The following SAAL1 variants were observed in gnomAD, a reference collection of about 807,000 sequenced individuals.
SAAL1 encodes the protein serum amyloid A like 1.
In SAAL1, 42 loss-of-function variants were observed where a neutral mutation model predicts 59.8. The observed-to-expected ratio is 0.70, with a 90% CI of 0.55 to 0.91. The LOEUF (loss-of-function observed/expected upper bound fraction) is 0.91. Among genes scored for constraint, SAAL1 ranks in the 40% least tolerant of loss-of-function variants. The probability of loss-of-function intolerance (pLI) is 0.00; values close to 1 mark genes in which losing one functional copy is unlikely to be tolerated. For synonymous variants in SAAL1, 191 were observed against 194.3 expected, an observed-to-expected ratio of 0.98 and a Z score of 0.14; for missense variants, 542 against 561.1, an observed-to-expected ratio of 0.97 and a Z score of 0.34.
At chr11:18,104,870 A>G (rs1848671336) in intron 1 of SAAL1, among the ~76,000 whole-genome samples, 1 of 152,194 alleles carries the variant, frequency 6.6e-6, no homozygotes, top group South Asian at 2.1e-4. Context: ...GAGCAGTATC[A>G]TGAATAGCCC....
chr11:18,095,785 T>C (rs1267117395), intron 3 of SAAL1, among the ~76,000 whole-genome samples: 2 of 152,228 alleles, frequency 1.3e-5, no homozygotes, highest in Non-Finnish European at 2.9e-5. Flanking sequence ...TTAGTCTTTA[T>C]CTATTGTTCT....
rs1193776874 is a variant in SAAL1 at position 18,085,873 on chromosome 11, T to C, written c.1042+993A>G. ...AAAACTGATACCACTAGAACCAAAG[T>C]TATCAAAGGGGGAAAAAAAATTAAA... On this transcript the variant is annotated intron_variant, in intron 9 of 11. Transcript: ENST00000524803. Among the ~76,000 whole-genome samples the C allele has an allele frequency of 6.6e-5, 10 of 152,134 alleles. No homozygotes were observed. The South Asian group carries it at 1.7e-3, about 25-fold the overall frequency.
chr11:18,094,804 G>A (rs937995334), intron 3 of SAAL1, among the ~76,000 whole-genome samples: 1 of 152,144 alleles, frequency 6.6e-6, no homozygotes, highest in Non-Finnish European at 1.5e-5. Context: ...GATTAAGAGT[G>A]AGTAGGGGCA....
chr11:18,103,733 T>C (rs1015782229), intron 1 of SAAL1, among the ~76,000 whole-genome samples: 1 of 152,114 alleles, frequency 6.6e-6, no homozygotes, highest in African/African-American at 2.4e-5. Context: ...AGCAAGTGGG[T>C]TGGGAAATGG....
intron 1 of SAAL1, among the ~76,000 whole-genome samples, chr11:18,104,883 T>G (rs1201721757): frequency 6.6e-6 from 1 of 152,096 alleles, no homozygotes; most frequent in East Asian, 1.9e-4. Flanking sequence ...AATAGCCCTG[T>G]CTTTAAAGAA....
intron 4 of SAAL1, among the ~76,000 whole-genome samples, chr11:18,091,490 TTC>T (rs1848523249): frequency 6.6e-6 from 1 of 152,050 alleles, no homozygotes; most frequent in Non-Finnish European, 1.5e-5. Context: ...CAACTAGGAG[TTC>T]TCTCTTTCTG....
Position 18,087,192 on chromosome 11 carries a change from C to G in SAAL1, c.804G>C (p.Met268Ile). Residue 268 changes from methionine (M) to isoleucine (I), a missense_variant, in exon 8 of 12, where the codon ATG becomes ATC. By Grantham distance (10) the Met-to-Ile change is conservative. Transcript: ENST00000524803. The part of the protein sequence containing the change: ...SENPEWLDVY[M>I]HILQLLTTVD... ...CTGTAGTAAGCAGTTGTAAAATGTG[C>G]ATGTAAACATCAAGCCATTCTGGAT... 1 of 1,613,256 alleles carries G rather than the reference C, an allele frequency of 6.2e-7. No homozygotes were observed. The highest frequency in any genetic ancestry group is 8.5e-7 in the Non-Finnish European group (1 of 1,179,260).
chr11:18,080,377 A>C lies in SAAL1; in HGVS notation c.*22T>G, dbSNP rs767605132. The C allele has an allele frequency of 7.0e-7, 1 of 1,427,960 alleles. No individual in the cohort carries two copies. Among genetic ancestry groups the C allele is most frequent in the South Asian group, 1.2e-5 (1 of 80,772 alleles). 88.5% of individuals were successfully genotyped at this position (1,427,960 alleles called of 1,614,324 possible). On this transcript the variant is annotated 3_prime_UTR_variant, in exon 12 of 12. Coordinates refer to ENST00000524803, the MANE Select transcript of SAAL1 (RefSeq NM_138421.3). ...GAAAAATAAAGTTTATTTCTTGTAC[A>C]GAAGTAATTCCAATTCAGGTTTTAA...
intron 2 of SAAL1, 68 bp downstream of exon 2, chr11:18,103,165 G>A (rs754670380): frequency 1.6e-5 from 17 of 1,083,712 alleles, no homozygotes; most frequent in Admixed American, 3.4e-5. Flanking sequence ...GGACTGAACC[G>A]TTTTTAAAAC....
chr11:18,083,769 TAA>T (rs1351143175), intron 9 of SAAL1, 38 bp from the exon 10 acceptor site: 3 of 1,437,312 alleles, frequency 2.1e-6, no homozygotes, highest in Non-Finnish European at 2.8e-6. Context: ...ATTGGCCAGT[TAA>T]GTTTGGTTTT....
intron 9 of SAAL1, among the ~76,000 whole-genome samples, chr11:18,086,134 T>C (rs372667596): frequency 3.3e-4 from 50 of 152,354 alleles, no homozygotes; most frequent in Middle Eastern, 3.4e-3. Flanking sequence ...CAGGGTGCAG[T>C]GGCTCATGCC....
intron 1 of SAAL1, among the ~76,000 whole-genome samples, chr11:18,105,650 A>G (rs1848680767): frequency 6.6e-6 from 1 of 152,208 alleles, no homozygotes; most frequent in Non-Finnish European, 1.5e-5. Context: ...AGAACTTGGG[A>G]AAGCAAAATA....
Position 18,106,073 on chromosome 11 carries a change from G to A in SAAL1, c.-32C>T, listed in dbSNP as rs970097014. ...GTCGCGTCCCGCGCTTGAAGGCCGT[G>A]CCGGAAGCTGCGGAGGAGACGACCG... On this transcript the variant is annotated 5_prime_UTR_variant, in exon 1 of 12. Coordinates refer to ENST00000524803, the MANE Select transcript of SAAL1 (RefSeq NM_138421.3). 1.9e-6 allele frequency: 3 copies of A among 1,577,804 alleles called. No homozygotes were observed. In the African/African-American group the frequency reaches 4.0e-5, roughly 21 times the overall value.
intron 1 of SAAL1, among the ~76,000 whole-genome samples, chr11:18,104,481 C>T (rs1217780647): frequency 6.7e-6 from 1 of 148,804 alleles, no homozygotes; most frequent in African/African-American, 2.5e-5. Flanking sequence ...TGGGGAAAGA[C>T]ATGTAAAGGG....
chr11:18,089,355 T>C lies in SAAL1; in HGVS notation c.745A>G (p.Ile249Val), dbSNP rs774901866. Residue 249 changes from isoleucine to valine, a missense_variant, in exon 7 of 12, where the codon ATA becomes GTA. By Grantham distance (29) the Ile-to-Val change is conservative. Transcript: ENST00000524803. ...EQPVFRLVPC[I>V]LEAAKQVRSE... ...CGTACTTGTTTGGCAGCTTCAAGTA[T>C]ACAGGGCACAAGCCGAAACACTGGC... 36 of 1,575,520 alleles carry C rather than the reference T, an allele frequency of 2.3e-5. No homozygotes were observed. The highest frequency in any genetic ancestry group is 2.9e-5 in the Non-Finnish European group (34 of 1,168,148).
At chr11:18,081,529 C>CA in intron 10 of SAAL1, 26 bp from the exon 11 acceptor site, 1 of 1,587,916 alleles carries the variant, frequency 6.3e-7, no homozygotes, top group Non-Finnish European at 8.6e-7. Flanking sequence ...GATTTAATGT[C>CA]AAAAAAGGAA....
intron 11 of SAAL1, among the ~76,000 whole-genome samples, 181 bp from the exon 12 acceptor site, chr11:18,080,672 T>A (rs981015712): frequency 1.3e-5 from 2 of 152,236 alleles, no homozygotes; most frequent in African/African-American, 4.8e-5. Context: ...GAAATGACTA[T>A]GCTTTCCCAT....
rs1848499425 is a variant in SAAL1 at position 18,089,420 on chromosome 11, G to C, written c.680C>G (p.Ala227Gly). ...LMLEWVRNGA[A>G]QPLDQPQEES... ...TTCCTGGGGTTGGTCCAGAGGCTGA[G>C]CAGCCCCATTTCTGACCCATTCTAA... Residue 227 changes from alanine to glycine, a missense_variant, in exon 7 of 12, where the codon GCT becomes GGT. Coordinates refer to ENST00000524803, the MANE Select transcript of SAAL1 (RefSeq NM_138421.3). The C allele has an allele frequency of 6.2e-6, 10 of 1,612,108 alleles. No individual in the cohort carries two copies. In the Middle Eastern group the frequency reaches 4.9e-4, roughly 79 times the overall value.
intron 2 of SAAL1, among the ~76,000 whole-genome samples, chr11:18,100,200 C>G (rs1303219026): frequency 2.6e-5 from 4 of 152,222 alleles, no homozygotes; most frequent in African/African-American, 7.2e-5. Context: ...CCAACCTGAT[C>G]TGACATTGAG....
Sources: allele counts gnomAD v4.1 joint callset (sites outside exome capture counted in the v4.1 genomes callset), GRCh38; gene constraint gnomAD v4.1.1; transcripts MANE v1.5; gene names NCBI Gene and HGNC (gene_info 2026-07-23, HGNC 2026-07-21).